Variants in ENOX1 observed in about 807,000 individuals in gnomAD.
ENOX1 encodes candidate growth-related and time keeping constitutive hydroquinone (NADH) oxidase.
ENOX1 carries 42 observed loss-of-function variants against 82.5 expected under a neutral mutation model. That is an observed-to-expected ratio of 0.51 (90% CI 0.40 to 0.66). The LOEUF (loss-of-function observed/expected upper bound fraction) is 0.66. Ranked by LOEUF, ENOX1 falls within the 30% of genes least tolerant of loss-of-function variation. ENOX1 has a pLI of 0.00. For missense variants in ENOX1, 608 were observed against 811.6 expected, an observed-to-expected ratio of 0.75 and a Z score of 3.05; for synonymous variants, 271 against 282.2, an observed-to-expected ratio of 0.96 and a Z score of 0.40.
chr13:43,522,618 C>T (rs187869876), intron 2 of ENOX1, among the ~76,000 whole-genome samples: 8 of 152,216 alleles, frequency 5.3e-5, no homozygotes, highest in East Asian at 3.9e-4. Context: ...AGAAGCCCTT[C>T]GAGGATCCTG....
chr13:43,763,390 CT>C (rs1348421189), intron 1 of ENOX1, among the ~76,000 whole-genome samples: 1 of 152,164 alleles, frequency 6.6e-6, no homozygotes, highest in Non-Finnish European at 1.5e-5. Context: ...TTACAAGTCA[CT>C]AAGCCTATTC....
intron 1 of ENOX1, among the ~76,000 whole-genome samples, chr13:43,679,591 C>T (rs555266317): frequency 6.6e-6 from 1 of 152,218 alleles, no homozygotes; most frequent in East Asian, 1.9e-4. Flanking sequence ...TTTTTCTAAC[C>T]CATGGCTAGG....
chr13:43,499,433 G>A (rs2076903454), intron 2 of ENOX1, among the ~76,000 whole-genome samples: 1 of 152,008 alleles, frequency 6.6e-6, no homozygotes, highest in South Asian at 2.1e-4. Context: ...AAAGACACAG[G>A]TTGCCAATAG....
chr13:43,241,957 C>T (rs549972777), intron 14 of ENOX1, among the ~76,000 whole-genome samples: 16 of 152,304 alleles, frequency 1.1e-4, no homozygotes, highest in African/African-American at 3.6e-4. Context: ...AAAATGGCTT[C>T]CCTGCCTTAT....
chr13:43,362,831 C>T (rs1416989965), intron 5 of ENOX1, among the ~76,000 whole-genome samples: 7 of 152,224 alleles, frequency 4.6e-5, no homozygotes, highest in Non-Finnish European at 2.9e-5. Context: ...TGATTCTGAT[C>T]TATAACCCCA....
chr13:43,494,382 C>T (rs534367177), intron 2 of ENOX1, among the ~76,000 whole-genome samples: 1 of 152,228 alleles, frequency 6.6e-6, no homozygotes, highest in South Asian at 2.1e-4. Flanking sequence ...ATCATGTTTG[C>T]AAACAAATAT....
intron 3 of ENOX1, among the ~76,000 whole-genome samples, chr13:43,483,628 C>A (rs981225750): frequency 6.6e-6 from 1 of 152,062 alleles, no homozygotes. Flanking sequence ...TGATTTTCAA[C>A]GTTTCAAAAT....
At chr13:43,588,097 C>G (rs1320907393) in intron 2 of ENOX1, among the ~76,000 whole-genome samples, 2 of 152,186 alleles carry the variant, frequency 1.3e-5, no homozygotes, top group Admixed American at 1.3e-4. Context: ...AATTTCATCT[C>G]TAATTAACTC....
chr13:43,403,801 T>C (rs928174014), intron 5 of ENOX1, among the ~76,000 whole-genome samples: 11 of 151,740 alleles, frequency 7.2e-5, no homozygotes, highest in Admixed American at 2.0e-4. Context: ...GATCAGGCCA[T>C]TGCACTCTGG....
At chr13:43,732,130 C>G (rs976196624) in intron 1 of ENOX1, among the ~76,000 whole-genome samples, 15 of 152,282 alleles carry the variant, frequency 9.9e-5, no homozygotes, top group African/African-American at 3.4e-4. Context: ...GCCCCTTACT[C>G]CTCCTCCTAC....
At chr13:43,468,848 G>A (rs976070184) in intron 3 of ENOX1, among the ~76,000 whole-genome samples, 3 of 152,008 alleles carry the variant, frequency 2.0e-5, no homozygotes, top group African/African-American at 7.3e-5. Flanking sequence ...TTATTCCTAA[G>A]CATTTTTTAT....
At chr13:43,276,095 C>G (rs2045012030) in intron 12 of ENOX1, among the ~76,000 whole-genome samples, 1 of 152,124 alleles carries the variant, frequency 6.6e-6, no homozygotes, top group African/African-American at 2.4e-5. Context: ...ACTGTTGTTC[C>G]ATCTCTGTAA....
chr13:43,592,199 A>G (rs1249068488), intron 2 of ENOX1, among the ~76,000 whole-genome samples: 1 of 152,250 alleles, frequency 6.6e-6, no homozygotes, highest in Admixed American at 6.5e-5. Flanking sequence ...AACAATGCAT[A>G]CAAGTCACAC....
In ENOX1 at chr13:43,746,496, G is replaced by A. The variant is rs143319105; in HGVS notation, c.-285+40156C>T. ...TGTAATTAAGGAAATTAAAATAAGT[G>A]GTCGATAAGCTGGACTCTTACTTGG... On this transcript the variant is annotated intron_variant, in intron 1 of 16. Transcript: ENST00000690772. Among the ~76,000 whole-genome samples the A allele has an allele frequency of 4.5e-3, 686 of 152,134 alleles. 3 individuals are homozygous for A. Among genetic ancestry groups the A allele is most frequent in the African/African-American group, 0.016 (648 of 41,498 alleles).
chr13:43,355,551 G>C (rs1172745400), intron 8 of ENOX1, among the ~76,000 whole-genome samples: 1 of 152,236 alleles, frequency 6.6e-6, no homozygotes, highest in Non-Finnish European at 1.5e-5. Flanking sequence ...ATAGTTGCTG[G>C]CTCATTAAAC....
chr13:43,416,429 G>C (rs565146362), intron 3 of ENOX1, among the ~76,000 whole-genome samples: 14 of 121,958 alleles, frequency 1.1e-4, no homozygotes, highest in Non-Finnish European at 2.3e-4. Context: ...CAGACGGGGC[G>C]GCCGGGCAGA....
At position 43,470,226 on chromosome 13, in the gene ENOX1, A is replaced by ATGTGTGTG. The variant is rs373417287; in HGVS notation, c.-75+13775_-75+13782dup. 2.9e-3 allele frequency among the ~76,000 whole-genome samples: 167 copies of ATGTGTGTG among 57,706 alleles called. 2 individuals carry two copies. The highest frequency in any genetic ancestry group is 6.8e-3 in the African/African-American group (151 of 22,054). The allele number at this position is 57,706 out of a possible 152,430, so 37.9% of individuals were successfully genotyped here. On this transcript the variant is annotated intron_variant, in intron 3 of 16. Coordinates refer to ENST00000690772, the MANE Select transcript of ENOX1 (RefSeq NM_001347969.2). The stretch of plus-strand genomic sequence containing the variant: ...TATGTGTATATATATATGTGTGTGT[A>ATGTGTGTG]TGTGTGTGTGTGTATATATATACAT...
At chr13:43,549,756 G>A (rs1007334461) in intron 2 of ENOX1, among the ~76,000 whole-genome samples, 4 of 152,146 alleles carry the variant, frequency 2.6e-5, no homozygotes, top group African/African-American at 7.2e-5. Flanking sequence ...CAATGAAAAT[G>A]AGGTAGATCC....
intron 12 of ENOX1, among the ~76,000 whole-genome samples, chr13:43,278,643 T>G (rs1318103020): frequency 1.3e-5 from 2 of 152,252 alleles, no homozygotes; most frequent in Non-Finnish European, 2.9e-5. Context: ...CAAGAAAATG[T>G]TACATCAGAG....
Sources: allele counts gnomAD v4.1 joint callset (sites outside exome capture counted in the v4.1 genomes callset), GRCh38; gene constraint gnomAD v4.1.1; transcripts MANE v1.5; gene names NCBI Gene and HGNC (gene_info 2026-07-23, HGNC 2026-07-21).